Variants in COL5A2 observed in about 807,000 individuals in gnomAD.
COL5A2 encodes the protein collagen alpha-2(V) chain.
COL5A2 carries 23 observed loss-of-function variants against 208.2 expected under a neutral mutation model. The ratio of observed to expected loss-of-function variants is 0.11; its 90% CI spans 0.08 to 0.16. COL5A2 has a LOEUF of 0.16. Ranked by LOEUF, COL5A2 falls within the 10% of genes least tolerant of loss-of-function variation. The pLI is 1.00. For missense variants in COL5A2, 1,590 were observed against 1,956.4 expected (o/e 0.81, Z 3.53); for synonymous variants, 625 against 628.5 (o/e 0.99, Z 0.08).
intron 16 of COL5A2, among the ~76,000 whole-genome samples, chr2:189,076,937 C>T (rs556357337): frequency 2.0e-4 from 31 of 152,082 alleles, no homozygotes; most frequent in South Asian, 1.0e-3. Context: ...TAGCCAGGAA[C>T]GGTGGCATGC....
At chr2:189,064,695 T>C (rs527958643) in intron 24 of COL5A2, 40 bp from the exon 25 acceptor site, 11 of 1,376,544 alleles carry the variant, frequency 8.0e-6, no homozygotes, top group Admixed American at 1.7e-5. Flanking sequence ...AAAAAGAGTA[T>C]AGAAAAACAA....
the COL5A2 span, among the ~76,000 whole-genome samples, chr2:189,418,528 C>A: frequency 6.6e-6 from 1 of 152,178 alleles, no homozygotes; most frequent in Non-Finnish European, 1.5e-5. Context: ...AAAATAACCA[C>A]AGAACAGGTT....
At chr2:189,309,703 T>C in the COL5A2 span, among the ~76,000 whole-genome samples, 2 of 152,222 alleles carry the variant, frequency 1.3e-5, no homozygotes, top group African/African-American at 4.8e-5. Context: ...TTGAATTATG[T>C]CTTCTGAGGA....
intron 1 of COL5A2, among the ~76,000 whole-genome samples, chr2:189,187,130 T>G (rs950036148): frequency 6.6e-6 from 1 of 152,124 alleles, no homozygotes; most frequent in Non-Finnish European, 1.5e-5. Context: ...CACTCTTCTC[T>G]TTACACACTA....
At chr2:189,279,791 A>G in the COL5A2 span, among the ~76,000 whole-genome samples, 531 of 152,230 alleles carry the variant, frequency 3.5e-3, 3 homozygotes, top group African/African-American at 0.012. Flanking sequence ...TGGGCAAGAG[A>G]AAACTTGAAA....
At chr2:189,324,319 T>C in the COL5A2 span, among the ~76,000 whole-genome samples, 5 of 152,194 alleles carry the variant, frequency 3.3e-5, no homozygotes, top group East Asian at 7.7e-4. Context: ...ACAAATGGGA[T>C]CTAATTAAAC....
the COL5A2 span, among the ~76,000 whole-genome samples, chr2:189,419,482 T>C: frequency 1.1e-4 from 17 of 152,106 alleles, no homozygotes; most frequent in South Asian, 6.2e-4. Flanking sequence ...ATTTTTAAGG[T>C]TGAAAGTCAA....
At chr2:189,073,514 C>T (rs1576508795) in intron 17 of COL5A2, among the ~76,000 whole-genome samples, 1 of 152,014 alleles carries the variant, frequency 6.6e-6, no homozygotes, top group East Asian at 1.9e-4. Flanking sequence ...CTAGAGATTA[C>T]ATTTAAATTG....
chr2:189,279,334 G>A, the COL5A2 span, among the ~76,000 whole-genome samples: 7 of 151,812 alleles, frequency 4.6e-5, no homozygotes, highest in African/African-American at 1.7e-4. Flanking sequence ...ACTTCTAGAT[G>A]ATAGCAAAGA....
chr2:189,312,264 G>A, the COL5A2 span, among the ~76,000 whole-genome samples: 1 of 152,098 alleles, frequency 6.6e-6, no homozygotes, highest in Non-Finnish European at 1.5e-5. Context: ...CAGGTAGGAG[G>A]CCAGGTGGTC....
At chr2:189,104,790 T>C (rs1176332408) in intron 2 of COL5A2, among the ~76,000 whole-genome samples, 1 of 151,856 alleles carries the variant, frequency 6.6e-6, no homozygotes, top group Non-Finnish European at 1.5e-5. Flanking sequence ...GTTTGGAATA[T>C]TTAAGAAAAT....
At chr2:189,337,633 C>T in the COL5A2 span, among the ~76,000 whole-genome samples, 1 of 152,052 alleles carries the variant, frequency 6.6e-6, no homozygotes, top group South Asian at 2.1e-4. Flanking sequence ...TGATTTTTAT[C>T]TATTTTAAGA....
At chr2:189,440,122 G>A in the COL5A2 span, among the ~76,000 whole-genome samples, 2 of 152,156 alleles carry the variant, frequency 1.3e-5, no homozygotes, top group African/African-American at 4.8e-5. Context: ...AAAGTTTTGA[G>A]CACTTTAATA....
chr2:189,107,413 AT>A (rs1252183436), intron 2 of COL5A2, among the ~76,000 whole-genome samples: 2 of 151,014 alleles, frequency 1.3e-5, no homozygotes, highest in Non-Finnish European at 3.0e-5. Flanking sequence ...TCATTAGGTA[AT>A]TTTTTCTTTA....
chr2:189,332,814 T>C, the COL5A2 span, among the ~76,000 whole-genome samples: 1 of 152,180 alleles, frequency 6.6e-6, no homozygotes, highest in Non-Finnish European at 1.5e-5. Flanking sequence ...GGGGCCCTGC[T>C]GAAAAGATAC....
At chr2:189,419,798 A>G in the COL5A2 span, among the ~76,000 whole-genome samples, 1 of 151,814 alleles carries the variant, frequency 6.6e-6, no homozygotes, top group Non-Finnish European at 1.5e-5. Context: ...CAAGAAAAGA[A>G]GAAAAACAGA....
chr2:189,118,394 T>C (rs1269021191), intron 1 of COL5A2, among the ~76,000 whole-genome samples: 1 of 152,130 alleles, frequency 6.6e-6, no homozygotes, highest in South Asian at 2.1e-4. Flanking sequence ...ATTATGTCTT[T>C]GCAGCTGCAT....
chr2:189,116,387 G>A (rs753315301), intron 1 of COL5A2, among the ~76,000 whole-genome samples: 10 of 152,282 alleles, frequency 6.6e-5, no homozygotes, highest in South Asian at 4.1e-4. Context: ...AGGGAAAGAC[G>A]AAGAGGGACA....
chr2:189,244,951 T>C, the COL5A2 span, among the ~76,000 whole-genome samples: 1 of 152,196 alleles, frequency 6.6e-6, no homozygotes, highest in Non-Finnish European at 1.5e-5. Flanking sequence ...AAGTCATGTC[T>C]TAGATGGATG....
Sources: allele counts gnomAD v4.1 joint callset (sites outside exome capture counted in the v4.1 genomes callset), GRCh38; gene constraint gnomAD v4.1.1; transcripts MANE v1.5; gene names NCBI Gene and HGNC (gene_info 2026-07-23, HGNC 2026-07-21).